The following AFAP1 variants were observed in gnomAD, a reference collection of about 807,000 sequenced individuals.
The protein encoded by AFAP1 is actin filament associated protein 1, also known as actin filament-associated protein 1.
In AFAP1, 75 loss-of-function variants were observed where a neutral mutation model predicts 93.9. That is an observed-to-expected ratio of 0.80 (90% CI 0.66 to 0.97). AFAP1 has a LOEUF of 0.97. Ranked by LOEUF, AFAP1 falls within the 50% of genes least tolerant of loss-of-function variation. AFAP1 has a pLI of 0.00. For missense variants in AFAP1, 1,201 were observed against 1,050.8 expected (o/e 1.14, Z -1.98); for synonymous variants, 517 against 430.7 (o/e 1.20, Z -2.48).
intron 16 of AFAP1, among the ~76,000 whole-genome samples, chr4:7,769,352 G>C (rs1446438148): frequency 6.6e-6 from 1 of 152,200 alleles, no homozygotes; most frequent in African/African-American, 2.4e-5. Context: ...TGGTCCCTTT[G>C]TGCAGTGCTT....
chr4:7,912,902 C>A (rs1396873884), intron 1 of AFAP1, among the ~76,000 whole-genome samples: 1 of 152,112 alleles, frequency 6.6e-6, no homozygotes, highest in African/African-American at 2.4e-5. Flanking sequence ...GGCTGGAATG[C>A]AATGACAAGA....
chr4:7,864,165 C>CCATTCCCAACTTCCCATCACAA (rs1716129855), intron 3 of AFAP1, among the ~76,000 whole-genome samples: 35 of 54,976 alleles, frequency 6.4e-4, no homozygotes, highest in Admixed American at 1.6e-3. Flanking sequence ...TCATCACAAC[C>CCATTCCCAACTTCCCATCACAA]CACAGGTCCT....
chr4:7,853,878 T>G (rs899490410), intron 4 of AFAP1, among the ~76,000 whole-genome samples: 1 of 152,092 alleles, frequency 6.6e-6, no homozygotes. Context: ...ATCACTGCTG[T>G]CTCCTCATTC....
intron 1 of AFAP1, among the ~76,000 whole-genome samples, chr4:7,872,954 A>AAAC: frequency 6.7e-6 from 1 of 150,196 alleles, no homozygotes; most frequent in South Asian, 2.1e-4. Context: ...AAAAAAAAAA[A>AAAC]AAAAAACTAC....
intron 10 of AFAP1, 25 bp downstream of exon 10, chr4:7,800,409 TCTGTGGAG>T: frequency 6.2e-7 from 1 of 1,608,386 alleles, no homozygotes; most frequent in Non-Finnish European, 8.5e-7. Flanking sequence ...CGTGTGTCCC[TCTGTGGAG>T]TACAGCCCCT....
In AFAP1 at chr4:7,778,869, C is replaced by T. The variant is rs748541699; in HGVS notation, c.1790G>A (p.Gly597Asp). 1 of 1,607,246 alleles carries T rather than the reference C, an allele frequency of 6.2e-7. No homozygotes were observed. The highest frequency in any genetic ancestry group is 1.1e-5 in the South Asian group (1 of 90,890). ...ATTAGACGCCACGGGGGGCTTTTTA[C>T]CCTTGAGCTGTTGAAATAAACATAT... ...ASLGLNSQLK[G>D]KKPPVASNGV... The change falls in exon 14 of 18, where the codon GGT becomes GAT. Residue 597 changes from glycine to aspartate, a missense_variant. Physicochemically the swap from Gly to Asp is moderately conservative, Grantham distance 94. Transcript: ENST00000420658.
At chr4:7,900,679 A>G (rs911673813) in intron 1 of AFAP1, among the ~76,000 whole-genome samples, 2 of 152,396 alleles carry the variant, frequency 1.3e-5, no homozygotes, top group Non-Finnish European at 2.9e-5. Flanking sequence ...CTTGTAACCA[A>G]CAAGAAACTA....
chr4:7,809,568 A>G, intron 9 of AFAP1, 46 bp downstream of exon 9: 1 of 1,570,834 alleles, frequency 6.4e-7, no homozygotes, highest in Non-Finnish European at 8.6e-7. Context: ...AGAAAATGAA[A>G]CCCACTTAGG....
At chr4:7,823,458 G>T (rs1217652344) in intron 6 of AFAP1, among the ~76,000 whole-genome samples, 2 of 152,048 alleles carry the variant, frequency 1.3e-5, no homozygotes, top group Non-Finnish European at 2.9e-5. Context: ...TTTTTTAAAG[G>T]AAAGTAGATA....
intron 1 of AFAP1, among the ~76,000 whole-genome samples, chr4:7,921,920 C>T (rs1338359997): frequency 6.6e-6 from 1 of 152,096 alleles, no homozygotes; most frequent in African/African-American, 2.4e-5. Context: ...GCCAACAGAT[C>T]GAGACCATCC....
intron 1 of AFAP1, among the ~76,000 whole-genome samples, chr4:7,879,629 T>C (rs993314079): frequency 2.0e-5 from 3 of 151,904 alleles, no homozygotes; most frequent in Admixed American, 1.3e-4. Flanking sequence ...TTTTATACAT[T>C]AGAAAAGCAA....
intron 3 of AFAP1, among the ~76,000 whole-genome samples, chr4:7,863,345 G>C (rs1715966245): frequency 6.6e-6 from 1 of 152,152 alleles, no homozygotes; most frequent in Admixed American, 6.5e-5. Context: ...CATGAACCAG[G>C]GAAGCGGAGG....
At chr4:7,919,567 T>C (rs1448909097) in intron 1 of AFAP1, among the ~76,000 whole-genome samples, 4 of 152,250 alleles carry the variant, frequency 2.6e-5, no homozygotes, top group Admixed American at 2.0e-4. Context: ...ACAAGCCATG[T>C]GCGAAAGAGC....
intron 1 of AFAP1, among the ~76,000 whole-genome samples, chr4:7,893,358 A>G (rs1469425373): frequency 6.6e-6 from 1 of 152,186 alleles, no homozygotes; most frequent in Non-Finnish European, 1.5e-5. Context: ...AGGCGGGCGG[A>G]TCACGACGTT....
chr4:7,868,615 G>T lies in AFAP1; in HGVS notation c.225+7C>A. On this transcript the variant is annotated splice_region_variant and intron_variant, in intron 3 of 17. Transcript: ENST00000420658. ...ATGACCACTGAGATGGTGGGACCTTGACTCACCAGCCAGGGCTGAGGGATC... is the reference window on the plus strand; with the variant it reads ...ATGACCACTGAGATGGTGGGACCTTTACTCACCAGCCAGGGCTGAGGGATC... 3 of 1,610,392 alleles carry T rather than the reference G, an allele frequency of 1.9e-6. No homozygotes were observed. Among genetic ancestry groups the T allele is most frequent in the South Asian group, 2.2e-5 (2 of 90,838 alleles).
At position 7,827,286 on chromosome 4, in the gene AFAP1, G is replaced by C. The variant is rs561601653; in HGVS notation, c.727-8115C>G. The stretch of plus-strand genomic sequence containing the variant: ...TACAGATGCAACTTCAAAAGGAGAG[G>C]AGAGGCCGGGCACGGTGGCTCATGC... On this transcript the variant is annotated intron_variant, in intron 6 of 17. Transcript: ENST00000420658. 9.9e-5 allele frequency among the ~76,000 whole-genome samples: 15 copies of C among 152,208 alleles called. No individual in the cohort carries two copies. In the South Asian group the frequency reaches 3.1e-3, roughly 32 times the overall value.
chr4:7,832,239 C>A (rs1178066202), intron 6 of AFAP1, among the ~76,000 whole-genome samples: 1 of 151,930 alleles, frequency 6.6e-6, no homozygotes, highest in East Asian at 1.9e-4. Flanking sequence ...AATCACAGGA[C>A]TTCCAGAAGG....
Position 7,793,707 on chromosome 4 carries a change from G to T in AFAP1, c.1386C>A (p.Val462=). 1 of 1,557,692 alleles carries T rather than the reference G, an allele frequency of 6.4e-7. No homozygotes were observed. Among genetic ancestry groups the T allele is most frequent in the South Asian group, 1.2e-5 (1 of 85,022 alleles). The change falls in exon 11 of 18, where the codon GTC becomes GTA. Residue 462 remains valine (V), a synonymous_variant. Transcript: ENST00000420658. ...AGAAGGTCTGTTTGGCTGTCTGAATGACACTTGCAGACATCTCCACATCAA... is the reference window on the plus strand; with the variant it reads ...AGAAGGTCTGTTTGGCTGTCTGAATTACACTTGCAGACATCTCCACATCAA... ...DYIDVEMSAS[V]IQTAKQTFCF...
At chr4:7,834,912 G>A (rs1244879529) in intron 6 of AFAP1, among the ~76,000 whole-genome samples, 2 of 151,352 alleles carry the variant, frequency 1.3e-5, no homozygotes, top group African/African-American at 2.4e-5. Flanking sequence ...TGGACTGCGG[G>A]CAGCCTTAAG....
Sources: gnomAD v4.1 joint callset for allele counts (sites outside exome capture counted in the v4.1 genomes callset) on GRCh38, gnomAD v4.1.1 for gene constraint, MANE v1.5 for transcripts, NCBI Gene and HGNC (gene_info 2026-07-23, HGNC 2026-07-21) for gene names.